RALYL: variants seen among roughly 807,000 people sequenced by gnomAD.
RALYL encodes the protein RNA-binding Raly-like protein.
Under a neutral mutation model 35.1 loss-of-function variants are expected in RALYL, and 29 were observed. The observed-to-expected ratio is 0.83, with a 90% CI of 0.61 to 1.13. The LOEUF (loss-of-function observed/expected upper bound fraction) is 1.13. Ranked by LOEUF, RALYL falls within the 50% of genes most tolerant of loss-of-function variation. RALYL has a pLI of 0.00. For missense variants in RALYL, 359 were observed against 360.4 expected, an observed-to-expected ratio of 1.00 and a Z score of 0.03; for synonymous variants, 120 against 127.6, an observed-to-expected ratio of 0.94 and a Z score of 0.40.
At chr8:84,250,340 A>G (rs1448787046) in intron 1 of RALYL, among the ~76,000 whole-genome samples, 1 of 151,838 alleles carries the variant, frequency 6.6e-6, no homozygotes, top group East Asian at 1.9e-4. Flanking sequence ...CAGTCCAGAG[A>G]TGTTATGTTT....
intron 4 of RALYL, among the ~76,000 whole-genome samples, chr8:84,822,502 T>C (rs906371848): frequency 2.6e-5 from 4 of 152,194 alleles, no homozygotes; most frequent in Non-Finnish European, 5.9e-5. Context: ...GCACTGTGTA[T>C]GTGCAAAATA....
intron 1 of RALYL, among the ~76,000 whole-genome samples, chr8:84,231,570 C>T (rs965428106): frequency 2.0e-5 from 3 of 152,074 alleles, no homozygotes; most frequent in Non-Finnish European, 2.9e-5. Context: ...ACATGACTCC[C>T]GGTGAGGGCT....
At chr8:84,376,077 T>G (rs776517895) in intron 1 of RALYL, among the ~76,000 whole-genome samples, 1 of 151,856 alleles carries the variant, frequency 6.6e-6, no homozygotes, top group East Asian at 1.9e-4. Context: ...GTGTTTGCTT[T>G]AAAAAGCCCT....
chr8:84,228,486 G>T (rs937032405), intron 1 of RALYL, among the ~76,000 whole-genome samples: 3 of 152,172 alleles, frequency 2.0e-5, no homozygotes, highest in Non-Finnish European at 4.4e-5. Context: ...ACTTTTGTAT[G>T]CAGTTGGAAA....
chr8:84,905,345 C>T (rs1395477083), intron 8 of RALYL, among the ~76,000 whole-genome samples: 1 of 152,066 alleles, frequency 6.6e-6, no homozygotes, highest in Non-Finnish European at 1.5e-5. Flanking sequence ...AGGTTATTTC[C>T]ACATCTTGGT....
chr8:84,364,535 TAA>T (rs1336638280), intron 1 of RALYL, among the ~76,000 whole-genome samples: 1 of 94,598 alleles, frequency 1.1e-5, no homozygotes, highest in Non-Finnish European at 2.1e-5. Context: ...CCTAAAATTA[TAA>T]AATATAAAAA....
intron 5 of RALYL, among the ~76,000 whole-genome samples, chr8:84,850,351 A>T (rs1366737921): frequency 6.6e-6 from 1 of 152,202 alleles, no homozygotes; most frequent in African/African-American, 2.4e-5. Flanking sequence ...CAAGATCAAG[A>T]GTTTGAAAAC....
At chr8:84,789,266 C>T (rs973186568) in intron 3 of RALYL, among the ~76,000 whole-genome samples, 9 of 152,114 alleles carry the variant, frequency 5.9e-5, no homozygotes, top group Admixed American at 5.9e-4. Context: ...GAAAAGGAAA[C>T]AGAAGATGAC....
chr8:84,489,321 A>T (rs2054993220), intron 1 of RALYL, among the ~76,000 whole-genome samples: 1 of 152,052 alleles, frequency 6.6e-6, no homozygotes, highest in African/African-American at 2.4e-5. Context: ...GAAACCTGTG[A>T]GTTATTTATT....
At chr8:84,752,883 C>T (rs1810415216) in intron 2 of RALYL, among the ~76,000 whole-genome samples, 1 of 152,182 alleles carries the variant, frequency 6.6e-6, no homozygotes, top group South Asian at 2.1e-4. Context: ...CTGGAGCCCT[C>T]ATGGAGAACC....
At chr8:84,853,633 GTTAGT>G (rs1373241527) in intron 5 of RALYL, among the ~76,000 whole-genome samples, 2 of 152,168 alleles carry the variant, frequency 1.3e-5, no homozygotes, top group Admixed American at 6.5e-5. Flanking sequence ...CTGTGCTCTC[GTTAGT>G]TTATTTTCCA....
At chr8:84,195,295 C>A (rs1012153316) in intron 1 of RALYL, among the ~76,000 whole-genome samples, 1 of 152,070 alleles carries the variant, frequency 6.6e-6, no homozygotes, top group African/African-American at 2.4e-5. Flanking sequence ...CAAAAATTAG[C>A]TGGGTGTGGT....
At chr8:84,330,181 G>A (rs73293017) in intron 1 of RALYL, among the ~76,000 whole-genome samples, 7,220 of 151,884 alleles carry the variant, frequency 0.048, 266 homozygotes, top group African/African-American at 0.083. Context: ...GCACAGTGTC[G>A]TATTTATATT....
At chr8:84,368,543 A>G (rs1331451884) in intron 1 of RALYL, among the ~76,000 whole-genome samples, 3 of 152,194 alleles carry the variant, frequency 2.0e-5, no homozygotes, top group Non-Finnish European at 2.9e-5. Context: ...AAGAGGTTTA[A>G]TGGACTCACA....
At chr8:84,374,323 G>T (rs1216131159) in intron 1 of RALYL, among the ~76,000 whole-genome samples, 1 of 151,836 alleles carries the variant, frequency 6.6e-6, no homozygotes, top group Non-Finnish European at 1.5e-5. Context: ...TCCCCATTTG[G>T]TATGATATTG....
At chr8:84,409,667 A>G (rs767297161) in intron 1 of RALYL, among the ~76,000 whole-genome samples, 1 of 152,010 alleles carries the variant, frequency 6.6e-6, no homozygotes. Context: ...GACTTTTTCC[A>G]TCGTATACTC....
At chr8:84,240,428 C>T (rs925417449) in intron 1 of RALYL, among the ~76,000 whole-genome samples, 1 of 152,116 alleles carries the variant, frequency 6.6e-6, no homozygotes, top group Non-Finnish European at 1.5e-5. Context: ...TTCTAATCAG[C>T]AGATATTTAT....
intron 2 of RALYL, among the ~76,000 whole-genome samples, chr8:84,531,425 C>G (rs1434800380): frequency 3.9e-5 from 6 of 151,974 alleles, no homozygotes; most frequent in Admixed American, 3.9e-4. Flanking sequence ...TTACATTGGT[C>G]CCATCGAACT....
chr8:84,489,786 G>A (rs2055058867), intron 1 of RALYL, among the ~76,000 whole-genome samples: 1 of 151,920 alleles, frequency 6.6e-6, no homozygotes, highest in South Asian at 2.1e-4. Context: ...AAAGAAGTTG[G>A]AAATTCCATG....
Sources: gnomAD v4.1 joint callset for allele counts (sites outside exome capture counted in the v4.1 genomes callset) on GRCh38, gnomAD v4.1.1 for gene constraint, MANE v1.5 for transcripts, NCBI Gene and HGNC (gene_info 2026-07-23, HGNC 2026-07-21) for gene names.